GNAI1: variants seen among roughly 807,000 people sequenced by gnomAD.
GNAI1 encodes guanine nucleotide-binding protein G(i) subunit alpha-1.
GNAI1 carries 11 observed loss-of-function variants against 38.9 expected under a neutral mutation model. That is an observed-to-expected ratio of 0.28 (90% CI 0.18 to 0.47). The LOEUF (loss-of-function observed/expected upper bound fraction) is 0.47. Ranked by LOEUF, GNAI1 falls within the 20% of genes least tolerant of loss-of-function variation. The pLI, the probability that GNAI1 is intolerant of heterozygous loss-of-function variation, is 0.99. For missense variants in GNAI1, 317 were observed against 436.9 expected (o/e 0.73, Z 2.45); for synonymous variants, 166 against 145.1 (o/e 1.14, Z -1.04).
intron 7 of GNAI1, among the ~76,000 whole-genome samples, chr7:80,217,085 T>G (rs1272461630): frequency 6.6e-6 from 1 of 151,976 alleles, no homozygotes; most frequent in African/African-American, 2.4e-5. Context: ...AATTTTTTGT[T>G]TAAGGGATAA....
rs1375459283 is a variant in GNAI1 at position 80,221,672 on chromosome 7, C to G, written c.*4179C>G. On this transcript the variant is annotated 3_prime_UTR_variant, in exon 8 of 8. Coordinates refer to ENST00000649796, the MANE Select transcript of GNAI1 (RefSeq NM_002069.6). The stretch of plus-strand genomic sequence containing the variant: ...TTTTTTTTTTTTTTTGGTATGGAGT[C>G]TTGCTCCTTCACCAGGCTGGAGTGC... Among the ~76,000 whole-genome samples, 1 of 103,740 alleles carries G rather than the reference C, an allele frequency of 9.6e-6. No individual in the cohort carries two copies. Among genetic ancestry groups the G allele is most frequent in the Non-Finnish European group, 1.8e-5 (1 of 56,486 alleles). 68.1% of individuals were successfully genotyped at this position (103,740 alleles called of 152,430 possible).
chr7:80,217,453 T>C lies in GNAI1; in HGVS notation c.1025T>C (p.Val342Ala). The C allele has an allele frequency of 7.5e-6, 12 of 1,603,904 alleles. No individual in the cohort carries two copies. Among genetic ancestry groups the C allele is most frequent in the Non-Finnish European group, 1.0e-5 (12 of 1,176,532 alleles). The change falls in exon 8 of 8, where the codon GTC becomes GCC. Residue 342 changes from valine to alanine, a missense_variant. Around this residue, in one of 5 missense-constraint regions of GNAI1, gnomAD observed 15 missense variants for 36.6 expected, o/e 0.41. Coordinates refer to ENST00000649796, the MANE Select transcript of GNAI1 (RefSeq NM_002069.6). ...VQFVFDAVTD[V>A]IIKNNLKDCG... ...TTTGTTTTTGATGCTGTAACAGATG[T>C]CATCATAAAAAATAATCTAAAAGAT...
intron 1 of GNAI1, among the ~76,000 whole-genome samples, chr7:80,137,323 T>TTC (rs1227015623): frequency 0.013 from 1,665 of 127,578 alleles, 18 homozygotes; most frequent in East Asian, 0.059. Flanking sequence ...TTTTCTTTTT[T>TTC]TTTTTTTTTT....
intron 1 of GNAI1, among the ~76,000 whole-genome samples, chr7:80,179,079 G>T (rs988023606): frequency 1.3e-5 from 2 of 152,184 alleles, no homozygotes; most frequent in African/African-American, 4.8e-5. Flanking sequence ...TTGTAGAAAT[G>T]CAAAACAGTG....
At chr7:80,210,748 A>C (rs1788858262) in intron 5 of GNAI1, among the ~76,000 whole-genome samples, 1 of 143,594 alleles carries the variant, frequency 7.0e-6, no homozygotes, top group Non-Finnish European at 1.5e-5. Context: ...TTTTTTTTAG[A>C]GATACCCTCC....
At chr7:80,147,017 T>C (rs1167740024) in intron 1 of GNAI1, among the ~76,000 whole-genome samples, 1 of 152,178 alleles carries the variant, frequency 6.6e-6, no homozygotes, top group East Asian at 1.9e-4. Context: ...CATGGAAACA[T>C]CCGCTTCCTT....
At chr7:80,138,898 T>G (rs1279703294) in intron 1 of GNAI1, among the ~76,000 whole-genome samples, 2 of 152,134 alleles carry the variant, frequency 1.3e-5, no homozygotes, top group Non-Finnish European at 2.9e-5. Context: ...TTGGTGGATA[T>G]TTTTCTATTG....
chr7:80,210,990 G>C lies in GNAI1; in HGVS notation c.612G>C (p.Gln204His). 6.2e-7 allele frequency: 1 copy of C among 1,613,406 alleles called. No individual in the cohort carries two copies. Among genetic ancestry groups the C allele is most frequent in the Non-Finnish European group, 8.5e-7 (1 of 1,179,324 alleles). ...LHFKMFDVGG[Q>H]RSERKKWIHC... ...ACAGAATGTTTGATGTGGGAGGTCA[G>C]AGATCTGAGCGGAAGAAGTGGATTC... The change falls in exon 6 of 8, where the codon CAG becomes CAC. Residue 204 changes from glutamine (Q) to histidine (H), a missense_variant. Gln to His is a conservative substitution (Grantham distance 24). Around this residue, in one of 5 missense-constraint regions of GNAI1, gnomAD observed 158 missense variants for 234.7 expected, o/e 0.67. Coordinates refer to ENST00000649796, the MANE Select transcript of GNAI1 (RefSeq NM_002069.6).
chr7:80,197,546 TAATA>T (rs932495065), intron 3 of GNAI1, among the ~76,000 whole-genome samples: 1 of 152,068 alleles, frequency 6.6e-6, no homozygotes, highest in Non-Finnish European at 1.5e-5. Flanking sequence ...TGATGTAATT[TAATA>T]AATAAAAATG....
chr7:80,202,172 C>T (rs559857826), intron 4 of GNAI1, among the ~76,000 whole-genome samples: 2 of 152,206 alleles, frequency 1.3e-5, no homozygotes, highest in South Asian at 4.1e-4. Context: ...TCACTGCAAC[C>T]TGGGCCTCCC....
intron 1 of GNAI1, among the ~76,000 whole-genome samples, chr7:80,154,151 G>A (rs913277877): frequency 6.6e-6 from 1 of 152,088 alleles, no homozygotes; most frequent in African/African-American, 2.4e-5. Context: ...TCAAACTCCT[G>A]TACTCAAGTA....
chr7:80,152,286 C>G (rs1004592739), intron 1 of GNAI1, among the ~76,000 whole-genome samples: 2 of 151,986 alleles, frequency 1.3e-5, no homozygotes, highest in African/African-American at 4.8e-5. Context: ...GGTATTTTTC[C>G]CTCTATTAGG....
intron 1 of GNAI1, among the ~76,000 whole-genome samples, chr7:80,178,837 C>A (rs1029938028): frequency 2.0e-5 from 3 of 152,028 alleles, no homozygotes; most frequent in African/African-American, 7.2e-5. Flanking sequence ...TCATAGAAAT[C>A]GTTTCAGATT....
intron 1 of GNAI1, among the ~76,000 whole-genome samples, chr7:80,160,707 A>T (rs968147754): frequency 2.0e-5 from 3 of 152,170 alleles, no homozygotes; most frequent in Non-Finnish European, 2.9e-5. Flanking sequence ...TGAATTGTTG[A>T]TGTAGTCCAT....
chr7:80,224,741 A>G lies in GNAI1; in HGVS notation c.*7248A>G, dbSNP rs2115749692. 6.6e-6 allele frequency among the ~76,000 whole-genome samples: 1 copy of G among 152,360 alleles called. No homozygotes were observed. Among genetic ancestry groups the G allele is most frequent in the South Asian group, 2.1e-4 (1 of 4,830 alleles). On this transcript the variant is annotated 3_prime_UTR_variant, in exon 8 of 8. Transcript: ENST00000649796. ...AGCCACTACCCAGGTGTGAATGCAG[A>G]GCACTTAAAACGTAGCTAGTCCAAA... is the stretch of plus-strand genomic sequence containing the variant.
chr7:80,169,821 T>TCA (rs940242443), intron 1 of GNAI1, among the ~76,000 whole-genome samples: 1 of 152,182 alleles, frequency 6.6e-6, no homozygotes, highest in African/African-American at 2.4e-5. Context: ...CCTTTACCAG[T>TCA]CACTTCTCAT....
chr7:80,208,123 A>C (rs1205647942), intron 5 of GNAI1, among the ~76,000 whole-genome samples: 1 of 152,118 alleles, frequency 6.6e-6, no homozygotes, highest in Non-Finnish European at 1.5e-5. Context: ...CTAAGGCATA[A>C]ATCATCACTT....
Position 80,219,374 on chromosome 7 carries a change from A to G in GNAI1, c.*1881A>G, listed in dbSNP as rs1382867089. The G allele has an allele frequency of 6.6e-6, 1 of 152,612 alleles. No individual in the cohort carries two copies. The highest frequency in any genetic ancestry group is 1.5e-5 in the Non-Finnish European group (1 of 68,030). 9.5% of individuals were successfully genotyped at this position (152,612 alleles called of 1,614,324 possible). ...TTATTCTGTGTAATTGTGTTAATAA[A>G]TCCTAATAAATTTAAATTTTTAAAA... On this transcript the variant is annotated 3_prime_UTR_variant, in exon 8 of 8. Transcript: ENST00000649796.
chr7:80,225,637 A>G lies in GNAI1; in HGVS notation c.*8144A>G, dbSNP rs140827410. 6.6e-6 allele frequency among the ~76,000 whole-genome samples: 1 copy of G among 152,320 alleles called. No homozygotes were observed. The highest frequency in any genetic ancestry group is 1.9e-4 in the East Asian group (1 of 5,184). On this transcript the variant is annotated 3_prime_UTR_variant, in exon 8 of 8. Coordinates refer to ENST00000649796, the MANE Select transcript of GNAI1 (RefSeq NM_002069.6). ...CAGGAATTTGCTATCTGCAGGACTT[A>G]AATCAGGATAGAGTATCAAATATTC... is the stretch of plus-strand genomic sequence containing the variant.
Sources: allele counts gnomAD v4.1 joint callset (sites outside exome capture counted in the v4.1 genomes callset), GRCh38; gene constraint gnomAD v4.1.1; regional missense constraint gnomAD v4.1.1; transcripts MANE v1.5; gene names NCBI Gene and HGNC (gene_info 2026-07-23, HGNC 2026-07-21).